Variants in PHF8 observed in about 807,000 individuals in gnomAD.
PHF8 encodes PHD finger protein 8.
Under a neutral mutation model 74.4 loss-of-function variants are expected in PHF8, and 9 were observed. That is an observed-to-expected ratio of 0.12 (90% CI 0.07 to 0.21). The LOEUF is 0.21. Among genes scored for constraint, PHF8 ranks in the 10% least tolerant of loss-of-function variants. The pLI is 1.00. For synonymous variants in PHF8, 311 were observed against 316.6 expected (o/e 0.98, Z 0.19); for missense variants, 478 against 816.6 (o/e 0.59, Z 5.05).
At chrX:53,978,193 G>T (rs1452631987) in intron 18 of PHF8, among the ~76,000 whole-genome samples, 1 of 106,522 alleles carries the variant, frequency 9.4e-6, no homozygotes, top group African/African-American at 3.4e-5. Flanking sequence ...TGATGTGCCC[G>T]CCTTGGCCTC....
chrX:53,942,350 T>C (rs909852256), intron 20 of PHF8, among the ~76,000 whole-genome samples: 1 of 112,273 alleles, frequency 8.9e-6, no homozygotes, highest in Non-Finnish European at 1.9e-5. Flanking sequence ...ATGAAGTCTA[T>C]GAGGAAATGA....
At chrX:54,011,540 A>C (rs782811252) in intron 7 of PHF8, among the ~76,000 whole-genome samples, 1 of 112,360 alleles carries the variant, frequency 8.9e-6, no homozygotes, top group East Asian at 2.8e-4. Flanking sequence ...AAATTGTTCA[A>C]GTTAAGACAT....
intron 14 of PHF8, among the ~76,000 whole-genome samples, chrX:53,990,181 T>C (rs2065636142): frequency 9.0e-6 from 1 of 110,720 alleles, no homozygotes; most frequent in African/African-American, 3.3e-5. Flanking sequence ...TAAAGAAAAA[T>C]TTCAAATACA....
chrX:53,970,250 A>G (rs1047664727), intron 18 of PHF8, among the ~76,000 whole-genome samples: 2 of 112,272 alleles, frequency 1.8e-5, no homozygotes, highest in African/African-American at 6.5e-5. Context: ...ATTAGGATTA[A>G]TAACTAAAAT....
chrX:53,987,507 C>T (rs998696979), intron 15 of PHF8, among the ~76,000 whole-genome samples: 1 of 111,557 alleles, frequency 9.0e-6, no homozygotes, highest in Non-Finnish European at 1.9e-5. Flanking sequence ...GTCAGGAGTT[C>T]GAGACCAGCC....
intron 20 of PHF8, chrX:53,942,998 G>A (rs2064776290): frequency 1.3e-6 from 1 of 766,842 alleles, no homozygotes; most frequent in Non-Finnish European, 1.5e-6. Context: ...TGCCTCCCTG[G>A]CCCCTACCAG....
chrX:54,003,241 A>T (rs1017631134), intron 8 of PHF8, among the ~76,000 whole-genome samples: 6 of 112,220 alleles, frequency 5.3e-5, no homozygotes, highest in African/African-American at 1.9e-4. Context: ...CACATAATAA[A>T]AAGCTCTTCT....
intron 18 of PHF8, among the ~76,000 whole-genome samples, chrX:53,973,461 C>A (rs1354250272): frequency 8.1e-5 from 9 of 111,403 alleles, no homozygotes; most frequent in African/African-American, 2.9e-4. Flanking sequence ...GACCAATGAA[C>A]AGAATAGAGA....
chrX:53,943,454 A>G, intron 20 of PHF8: 3 of 1,054,915 alleles, frequency 2.8e-6, no homozygotes, highest in South Asian at 5.5e-5. Flanking sequence ...GGGCAGATAG[A>G]TTACATTACA....
At chrX:54,008,520 C>A (rs1405505162) in intron 8 of PHF8, among the ~76,000 whole-genome samples, 1 of 109,323 alleles carries the variant, frequency 9.1e-6, no homozygotes, top group Non-Finnish European at 1.9e-5. Context: ...GAAACCCCAT[C>A]TCTACTAAAA....
At chrX:54,020,182 G>C (rs782581527) in intron 4 of PHF8, among the ~76,000 whole-genome samples, 3 of 111,552 alleles carry the variant, frequency 2.7e-5, no homozygotes, top group Non-Finnish European at 5.6e-5. Flanking sequence ...GCGAGACATC[G>C]TCTCAAAATA....
chrX:53,949,029 A>G (rs373660822), intron 19 of PHF8, among the ~76,000 whole-genome samples: 7 of 109,803 alleles, frequency 6.4e-5, no homozygotes, highest in African/African-American at 2.3e-4. Context: ...CCGTCTCAAA[A>G]AATAAATAAA....
intron 2 of PHF8, among the ~76,000 whole-genome samples, chrX:54,041,741 A>G (rs1557115941): frequency 1.8e-5 from 2 of 112,445 alleles, no homozygotes; most frequent in Non-Finnish European, 3.8e-5. Context: ...GCTGCAGATA[A>G]ATGCTGTAGA....
rs782269896 is a variant in PHF8, at chrX:54,030,550, G to A, written c.99-7707C>T. Among the ~76,000 whole-genome samples the A allele has an allele frequency of 7.1e-5, 8 of 112,055 alleles. No individual in the cohort carries two copies. In the South Asian group the frequency reaches 1.5e-3, roughly 21 times the overall value. On this transcript the variant is annotated intron_variant, in intron 2 of 21. Coordinates refer to ENST00000338154, the MANE Select transcript of PHF8 (RefSeq NM_015107.3). ...CCTCATGGACTGGACATTTTAGAGCGGGAGACAGAGAGGCAGTGTCAAAAC... is the reference window on the plus strand; with the variant it reads ...CCTCATGGACTGGACATTTTAGAGCAGGAGACAGAGAGGCAGTGTCAAAAC...
At chrX:53,979,119 G>A (rs1451101313) in intron 18 of PHF8, among the ~76,000 whole-genome samples, 3 of 112,168 alleles carry the variant, frequency 2.7e-5, no homozygotes, top group African/African-American at 3.2e-5. Flanking sequence ...AGTGGGTCAC[G>A]CCTATAATCC....
chrX:54,017,581 A>G, intron 5 of PHF8, 80 bp downstream of exon 5: 1 of 919,108 alleles, frequency 1.1e-6, no homozygotes, highest in East Asian at 3.1e-5. Flanking sequence ...AGGAAATGCA[A>G]AAACAGATTG....
At chrX:53,952,836 C>T (rs1163307409) in intron 19 of PHF8, among the ~76,000 whole-genome samples, 3 of 97,994 alleles carry the variant, frequency 3.1e-5, no homozygotes, top group Non-Finnish European at 6.1e-5. Context: ...TGAGCCGAGC[C>T]GAGATGGTGC....
rs189027893 is a variant in PHF8 at position 53,994,861 on chromosome X, G to T, written c.1323+832C>A. Among the ~76,000 whole-genome samples, 3 of 112,162 alleles carry T rather than the reference G, an allele frequency of 2.7e-5. No individual in the cohort carries two copies. The South Asian group carries it at 1.1e-3, about 42-fold the overall frequency. Reference sequence around the variant, plus strand: ...AACTTTACAGCTTCTGAGCTTAAAGGAATTCTCCTCTGGTGCCTCTGCTAC... The same window carrying T: ...AACTTTACAGCTTCTGAGCTTAAAGTAATTCTCCTCTGGTGCCTCTGCTAC... On this transcript the variant is annotated intron_variant, in intron 12 of 21. Coordinates refer to ENST00000338154, the MANE Select transcript of PHF8 (RefSeq NM_015107.3).
chrX:53,989,541 TGAA>T (rs2065626497), intron 14 of PHF8, among the ~76,000 whole-genome samples: 1 of 109,750 alleles, frequency 9.1e-6, no homozygotes, highest in Non-Finnish European at 1.9e-5. Flanking sequence ...GGCCAGTAAG[TGAA>T]GACACTCATG....
Sources: allele counts gnomAD v4.1 joint callset (sites outside exome capture counted in the v4.1 genomes callset), GRCh38; gene constraint gnomAD v4.1.1; transcripts MANE v1.5; gene names NCBI Gene and HGNC (gene_info 2026-07-23, HGNC 2026-07-21).